IFT81: variants seen among roughly 807,000 people sequenced by gnomAD.
IFT81 encodes the protein intraflagellar transport 81, also known as intraflagellar transport protein 81 homolog.
Under a neutral mutation model 102.6 loss-of-function variants are expected in IFT81, and 72 were observed. That is an observed-to-expected ratio of 0.70 (90% CI 0.58 to 0.85). The LOEUF is 0.85. Ranked by LOEUF, IFT81 falls within the 40% of genes least tolerant of loss-of-function variation. The pLI is 0.00. For synonymous variants in IFT81, 237 were observed against 242.7 expected (o/e 0.98, Z 0.22); for missense variants, 723 against 787.3 (o/e 0.92, Z 0.98).
chr12:110,187,880 C>T (rs1240707972), intron 12 of IFT81, among the ~76,000 whole-genome samples: 1 of 152,132 alleles, frequency 6.6e-6, no homozygotes, highest in East Asian at 1.9e-4. Flanking sequence ...GTAGGTCTTA[C>T]TGCTAGGTTA....
At chr12:110,135,488 C>A in intron 7 of IFT81, 51 bp downstream of exon 7, 2 of 1,057,240 alleles carry the variant, frequency 1.9e-6, no homozygotes, top group Non-Finnish European at 2.8e-6. Flanking sequence ...AGTTCCTTCT[C>A]ATAATCCAAA....
At chr12:110,158,237 C>T (rs1895951168) in intron 10 of IFT81, among the ~76,000 whole-genome samples, 2 of 151,750 alleles carry the variant, frequency 1.3e-5, no homozygotes, top group Admixed American at 6.6e-5. Context: ...TTAGCCATCA[C>T]ACCTGGCTAA....
Position 110,192,645 on chromosome 12 carries a change from A to G in IFT81, c.1496A>G (p.Glu499Gly), listed in dbSNP as rs1484799216. ...AAAAAACTGTATTCATTGGTATCTG[A>G]AAAGAAGTCAGCTCTTGCCTCAGTT... ...MVKKLYSLVS[E>G]KKSALASVIK... Residue 499 changes from glutamate to glycine, a missense_variant, in exon 14 of 19, where the codon GAA becomes GGA. Transcript: ENST00000242591. The G allele has an allele frequency of 7.6e-6, 12 of 1,587,388 alleles. No individual in the cohort carries two copies. The highest frequency in any genetic ancestry group is 1.8e-5 in the Admixed American group (1 of 56,104).
Position 110,129,081 on chromosome 12 carries a change from T to G in IFT81, c.380T>G (p.Val127Gly). The change falls in exon 4 of 19, where the codon GTA (valine) becomes GGA (glycine). Residue 127 changes from valine (V) to glycine (G), a missense_variant. Transcript: ENST00000242591. The part of the protein sequence containing the change: ...YLARFLIKLE[V>G]PSEFLQDETV... ...GCTCGTTTTTTAATAAAACTTGAGG[T>G]ACCAAGTGAGTTTCTTCAGGATGAA... 1 of 1,606,336 alleles carries G rather than the reference T, an allele frequency of 6.2e-7. No individual in the cohort carries two copies. Among genetic ancestry groups the G allele is most frequent in the South Asian group, 1.1e-5 (1 of 89,238 alleles).
intron 11 of IFT81, among the ~76,000 whole-genome samples, chr12:110,173,097 C>A (rs1896841116): frequency 6.7e-6 from 1 of 148,226 alleles, no homozygotes; most frequent in Non-Finnish European, 1.5e-5. Context: ...CGACCAGCCG[C>A]CCCATCCGGG....
At chr12:110,161,312 A>AT (rs1384482392) in intron 10 of IFT81, among the ~76,000 whole-genome samples, 27 of 150,516 alleles carry the variant, frequency 1.8e-4, no homozygotes, top group Non-Finnish European at 1.6e-4. Flanking sequence ...GGCTTGGTGT[A>AT]TTTTTTTGTA....
intron 10 of IFT81, among the ~76,000 whole-genome samples, chr12:110,158,822 T>C (rs959060667): frequency 2.0e-5 from 3 of 151,658 alleles, no homozygotes; most frequent in African/African-American, 7.3e-5. Context: ...TCTCCTGACC[T>C]CGTGATCCAC....
intron 7 of IFT81, among the ~76,000 whole-genome samples, chr12:110,135,907 A>G (rs1894478550): frequency 6.6e-6 from 1 of 152,086 alleles, no homozygotes; most frequent in African/African-American, 2.4e-5. Flanking sequence ...TGTGGCAACA[A>G]CAATACCACT....
chr12:110,193,742 G>C (rs1314506072), intron 14 of IFT81, among the ~76,000 whole-genome samples: 1 of 152,140 alleles, frequency 6.6e-6, no homozygotes, highest in Non-Finnish European at 1.5e-5. Flanking sequence ...AAATTTTACA[G>C]GGAAGTGTTA....
intron 3 of IFT81, among the ~76,000 whole-genome samples, chr12:110,128,369 A>G (rs1475616966): frequency 6.7e-6 from 1 of 150,104 alleles, no homozygotes; most frequent in Non-Finnish European, 1.5e-5. Flanking sequence ...TAAATCCACT[A>G]TACCATTTTA....
chr12:110,171,675 A>G (rs1018488711), intron 11 of IFT81, among the ~76,000 whole-genome samples: 2 of 152,254 alleles, frequency 1.3e-5, no homozygotes, highest in African/African-American at 4.8e-5. Context: ...CTGTCATTTT[A>G]GCAAATAACA....
chr12:110,165,564 G>C (rs1049546229), intron 11 of IFT81, among the ~76,000 whole-genome samples: 2 of 152,170 alleles, frequency 1.3e-5, no homozygotes, highest in Non-Finnish European at 2.9e-5. Flanking sequence ...TGAGGAAAGG[G>C]GGACTCACAT....
chr12:110,185,985 TCTTC>T (rs951721627), intron 12 of IFT81, among the ~76,000 whole-genome samples: 2 of 152,220 alleles, frequency 1.3e-5, no homozygotes, highest in African/African-American at 4.8e-5. Flanking sequence ...GTTCTTCTTT[TCTTC>T]CTTCATCATT....
At chr12:110,193,174 C>G (rs890347421) in intron 14 of IFT81, among the ~76,000 whole-genome samples, 1 of 151,980 alleles carries the variant, frequency 6.6e-6, no homozygotes, top group Non-Finnish European at 1.5e-5. Context: ...CACCCCTCCC[C>G]CCAAAAATGA....
intron 10 of IFT81, among the ~76,000 whole-genome samples, chr12:110,149,400 G>A (rs1242689878): frequency 2.6e-5 from 4 of 152,228 alleles, no homozygotes; most frequent in East Asian, 1.9e-4. Context: ...TGTTTACAGC[G>A]GAAGCCCCAG....
At chr12:110,213,381 G>A (rs1566175606) in intron 18 of IFT81, among the ~76,000 whole-genome samples, 1 of 151,968 alleles carries the variant, frequency 6.6e-6, no homozygotes, top group African/African-American at 2.4e-5. Context: ...ATGTTCTTCT[G>A]TCCCCAGTAT....
chr12:110,188,307 G>A (rs1022749929), intron 12 of IFT81, among the ~76,000 whole-genome samples: 2 of 150,012 alleles, frequency 1.3e-5, no homozygotes, highest in African/African-American at 2.5e-5. Context: ...ACTCCAGCCT[G>A]AGCGACAGAG....
At chr12:110,192,355 A>G (rs1897836382) in intron 13 of IFT81, among the ~76,000 whole-genome samples, 1 of 152,106 alleles carries the variant, frequency 6.6e-6, no homozygotes. Flanking sequence ...TTTTTAATAT[A>G]TTTATTCAAT....
At chr12:110,147,728 AC>A (rs1190231710) in intron 10 of IFT81, among the ~76,000 whole-genome samples, 4 of 152,090 alleles carry the variant, frequency 2.6e-5, no homozygotes, top group African/African-American at 9.7e-5. Context: ...TGTTCAATAA[AC>A]CCTCATGTGT....
Sources: gnomAD v4.1 joint callset for allele counts (sites outside exome capture counted in the v4.1 genomes callset) on GRCh38, gnomAD v4.1.1 for gene constraint, MANE v1.5 for transcripts, NCBI Gene and HGNC (gene_info 2026-07-23, HGNC 2026-07-21) for gene names.